Variants in CFI observed in about 807,000 individuals in gnomAD.
CFI encodes the protein complement factor I.
A neutral mutation model predicts 78.8 loss-of-function variants in CFI; 66 were observed. That is an observed-to-expected ratio of 0.84 (90% CI 0.69 to 1.03). The LOEUF (loss-of-function observed/expected upper bound fraction) is 1.03. Ranked by LOEUF, CFI falls within the 50% of genes least tolerant of loss-of-function variation. The pLI is 0.00. For synonymous variants in CFI, 250 were observed against 232.6 expected (o/e 1.07, Z -0.68); for missense variants, 706 against 704.5 (o/e 1.00, Z -0.02).
At chr4:109,733,925 C>T in the CFI span, among the ~76,000 whole-genome samples, 1 of 152,076 alleles carries the variant, frequency 6.6e-6, no homozygotes, top group Admixed American at 6.5e-5. Context: ...GTCCCAGCAC[C>T]TAGGGAGATC....
downstream of CFI, among the ~76,000 whole-genome samples, chr4:109,735,881 G>A (rs1263802598): frequency 4.6e-5 from 7 of 152,236 alleles, no homozygotes; most frequent in Non-Finnish European, 1.0e-4. Flanking sequence ...ACAGTGGTGT[G>A]AAAGCAAGGA....
chr4:109,756,965 G>T lies in CFI; in HGVS notation c.904+798C>A, dbSNP rs558768888. The stretch of plus-strand genomic sequence containing the variant: ...AGAAAGAAAGAAAGAAAGAAAGAAA[G>T]AAAGAAAGAAAGAAATTCTGAGGAG... On this transcript the variant is annotated intron_variant, in intron 7 of 12. Coordinates refer to ENST00000394634, the MANE Select transcript of CFI (RefSeq NM_000204.5). Among the ~76,000 whole-genome samples, 207 of 133,864 alleles carry T rather than the reference G, an allele frequency of 1.5e-3. 1 individual carries two copies. Among genetic ancestry groups the T allele is most frequent in the African/African-American group, 4.2e-3 (155 of 37,044 alleles). 87.8% of individuals were successfully genotyped at this position (133,864 alleles called of 152,430 possible).
intron 1 of CFI, among the ~76,000 whole-genome samples, chr4:109,785,179 G>A (rs1730586230): frequency 6.6e-6 from 1 of 152,004 alleles, no homozygotes; most frequent in Non-Finnish European, 1.5e-5. Context: ...TTCGGACTCA[G>A]CCCGCCTGCA....
intron 1 of CFI, among the ~76,000 whole-genome samples, chr4:109,780,835 A>T (rs1000571992): frequency 2.3e-4 from 35 of 152,300 alleles, no homozygotes; most frequent in South Asian, 8.3e-4. Context: ...TGATGAGTTC[A>T]TGTCCTTTGT....
intron 1 of CFI, among the ~76,000 whole-genome samples, chr4:109,800,061 G>C (rs572288197): frequency 2.6e-5 from 4 of 151,740 alleles, no homozygotes; most frequent in South Asian, 4.3e-4. Context: ...TTTGGTTTTT[G>C]GTTTTGGTGG....
chr4:109,753,696 T>C (rs1232865794), intron 7 of CFI, among the ~76,000 whole-genome samples: 17 of 119,606 alleles, frequency 1.4e-4, no homozygotes, highest in African/African-American at 5.5e-4. Context: ...ATATAATGTA[T>C]AATTTTATAT....
chr4:109,800,757 A>C (rs1293673913), intron 1 of CFI, among the ~76,000 whole-genome samples: 1 of 152,050 alleles, frequency 6.6e-6, no homozygotes. Context: ...ATGCATTTAT[A>C]TATATGCATA....
At chr4:109,749,826 G>A (rs1229755863) in intron 8 of CFI, among the ~76,000 whole-genome samples, 1 of 152,132 alleles carries the variant, frequency 6.6e-6, no homozygotes, top group Non-Finnish European at 1.5e-5. Context: ...TCTGCCTAAA[G>A]ATAGACTAGT....
chr4:109,735,730 G>C (rs1723336708), downstream of CFI, among the ~76,000 whole-genome samples: 1 of 152,222 alleles, frequency 6.6e-6, no homozygotes, highest in Non-Finnish European at 1.5e-5. Context: ...GGATGAGAGA[G>C]ACTTCGGGGT....
At chr4:109,767,970 A>G (rs1033958875) in intron 1 of CFI, among the ~76,000 whole-genome samples, 6 of 152,006 alleles carry the variant, frequency 3.9e-5, no homozygotes, top group African/African-American at 1.4e-4. Flanking sequence ...TGATGAGTTC[A>G]TGTCCTTTGT....
intron 1 of CFI, among the ~76,000 whole-genome samples, chr4:109,779,076 A>G (rs1729655010): frequency 6.6e-6 from 1 of 152,178 alleles, no homozygotes; most frequent in African/African-American, 2.4e-5. Flanking sequence ...CTGGCACAAG[A>G]CAGGGATGCC....
At chr4:109,787,091 T>C (rs944800982) in intron 1 of CFI, among the ~76,000 whole-genome samples, 3 of 152,076 alleles carry the variant, frequency 2.0e-5, no homozygotes, top group African/African-American at 4.8e-5. Flanking sequence ...GACTCCCCAC[T>C]GACCTACAGA....
At chr4:109,752,719 C>G (rs1233469669) in intron 7 of CFI, among the ~76,000 whole-genome samples, 2 of 150,208 alleles carry the variant, frequency 1.3e-5, no homozygotes, top group Admixed American at 6.8e-5. Flanking sequence ...GAAATTCTTG[C>G]TGGCACAAAC....
chr4:109,741,980 C>CCT (rs1723857176), intron 12 of CFI: 1 of 161,380 alleles, frequency 6.2e-6, no homozygotes, highest in Non-Finnish European at 1.4e-5. Flanking sequence ...GCTGTGATTT[C>CCT]CATGGAGGGA....
chr4:109,801,054 G>A (rs1732716394), intron 1 of CFI, among the ~76,000 whole-genome samples: 1 of 152,134 alleles, frequency 6.6e-6, no homozygotes, highest in Non-Finnish European at 1.5e-5. Flanking sequence ...CTGGCACTAA[G>A]ACAAGATAGT....
chr4:109,765,449 C>A (rs1727617915), intron 2 of CFI, among the ~76,000 whole-genome samples: 1 of 152,184 alleles, frequency 6.6e-6, no homozygotes. Flanking sequence ...AAGAGCCCTG[C>A]ATACATTGTT....
intron 1 of CFI, among the ~76,000 whole-genome samples, chr4:109,779,924 C>T (rs181971416): frequency 6.6e-6 from 1 of 151,950 alleles, no homozygotes; most frequent in African/African-American, 2.4e-5. Context: ...AACTGGCTAG[C>T]CATAAGTAGA....
chr4:109,779,137 A>G (rs567658865), intron 1 of CFI, among the ~76,000 whole-genome samples: 95 of 152,304 alleles, frequency 6.2e-4, no homozygotes, highest in African/African-American at 2.2e-3. Context: ...GAACAGGGCA[A>G]TCAGGCAAGA....
intron 7 of CFI, among the ~76,000 whole-genome samples, chr4:109,754,744 A>T: frequency 6.6e-6 from 1 of 152,200 alleles, no homozygotes; most frequent in East Asian, 1.9e-4. Context: ...CTCTGCTCAG[A>T]TGCATTCACA....
Sources: allele counts gnomAD v4.1 joint callset (sites outside exome capture counted in the v4.1 genomes callset), GRCh38; gene constraint gnomAD v4.1.1; transcripts MANE v1.5; gene names NCBI Gene and HGNC (gene_info 2026-07-23, HGNC 2026-07-21).